Variants in CELF4 observed in about 807,000 individuals in gnomAD.
CELF4 encodes the protein CUG-BP- and ETR-3-like factor 4.
Under a neutral mutation model 59.9 loss-of-function variants are expected in CELF4, and 18 were observed. The observed-to-expected ratio is 0.30, with a 90% CI of 0.21 to 0.45. The LOEUF (loss-of-function observed/expected upper bound fraction) is 0.45, where lower values mean the gene tolerates loss of function less well. Among genes scored for constraint, CELF4 ranks in the 20% least tolerant of loss-of-function variants. The probability of loss-of-function intolerance (pLI) is 1.00; values close to 1 mark genes in which losing one functional copy is unlikely to be tolerated. For missense variants in CELF4, 456 were observed against 689.0 expected, an observed-to-expected ratio of 0.66 and a Z score of 3.79; for synonymous variants, 261 against 267.1, an observed-to-expected ratio of 0.98 and a Z score of 0.22.
Position 37,253,797 on chromosome 18 carries a change from G to A in CELF4, c.*14C>T. The A allele has an allele frequency of 1.9e-6, 3 of 1,590,154 alleles. No individual in the cohort carries two copies. Among genetic ancestry groups the A allele is most frequent in the East Asian group, 2.3e-5 (1 of 42,958 alleles). On this transcript the variant is annotated 3_prime_UTR_variant, in exon 12 of 13. Coordinates refer to ENST00000420428, the MANE Select transcript of CELF4 (RefSeq NM_020180.4). This position sits in a 1 kb window ranked among gnomAD's most constrained non-coding sequence, Gnocchi z 4.5. ...CGAGTCCTGGTCTCCCCCGGGGGAC[G>A]CTCCCGCCGGCGCTCAGTACGGGCG...
At chr18:37,310,318 CT>C (rs771303537) in intron 3 of CELF4, among the ~76,000 whole-genome samples, 31 of 152,318 alleles carry the variant, frequency 2.0e-4, no homozygotes, top group Non-Finnish European at 3.2e-4. Flanking sequence ...CTCCCTCCCT[CT>C]ATCCAGTTCA....
At chr18:37,540,367 G>GT (rs1408037164) in intron 1 of CELF4, among the ~76,000 whole-genome samples, 129 of 152,274 alleles carry the variant, frequency 8.5e-4, no homozygotes, top group African/African-American at 1.6e-3. Flanking sequence ...TGCTTTTATT[G>GT]TTTTTTTACT....
chr18:37,275,363 C>A, intron 3 of CELF4, 120 bp from the exon 4 acceptor site: 1 of 261,680 alleles, frequency 3.8e-6, no homozygotes, highest in South Asian at 1.4e-4. Flanking sequence ...GGCGGGGGCT[C>A]GGAGCCGGCG....
intron 11 of CELF4, among the ~76,000 whole-genome samples, chr18:37,256,432 G>A (rs2154288938): frequency 1.3e-5 from 2 of 152,290 alleles, no homozygotes; most frequent in East Asian, 3.9e-4. Context: ...CACTTCCTGA[G>A]GGTCTGCCCT....
intron 2 of CELF4, among the ~76,000 whole-genome samples, chr18:37,373,342 G>A (rs1569567995): frequency 6.6e-6 from 1 of 152,168 alleles, no homozygotes; most frequent in Non-Finnish European, 1.5e-5. Flanking sequence ...TTCAGATGTG[G>A]AGGGGACGAC....
intron 1 of CELF4, among the ~76,000 whole-genome samples, chr18:37,518,741 G>A (rs1183302997): frequency 6.6e-6 from 1 of 152,202 alleles, no homozygotes; most frequent in Middle Eastern, 3.2e-3. Context: ...CCCACACTGG[G>A]CAGTCTGCTA....
intron 2 of CELF4, among the ~76,000 whole-genome samples, chr18:37,322,317 A>G (rs540590565): frequency 6.6e-6 from 1 of 152,194 alleles, no homozygotes; most frequent in Non-Finnish European, 1.5e-5. Context: ...GATGGACCCC[A>G]CCCAGGCCAG....
At chr18:37,485,245 G>T (rs1305660903) in intron 2 of CELF4, among the ~76,000 whole-genome samples, 2 of 151,828 alleles carry the variant, frequency 1.3e-5, no homozygotes, top group Non-Finnish European at 2.9e-5. Context: ...CCCGGCGGAG[G>T]CAGCTCCCGC....
At chr18:37,290,714 C>G (rs2095278702) in intron 3 of CELF4, among the ~76,000 whole-genome samples, 1 of 152,096 alleles carries the variant, frequency 6.6e-6, no homozygotes. Context: ...AGTTTCTGCC[C>G]TCCTCTGGGC....
rs1178818268 is a variant in CELF4 at position 37,410,512 on chromosome 18, G to A, written c.369+75013C>T. 4.6e-5 allele frequency among the ~76,000 whole-genome samples: 7 copies of A among 152,356 alleles called. No homozygotes were observed. In the South Asian group the frequency reaches 1.5e-3, roughly 32 times the overall value. On this transcript the variant is annotated intron_variant, in intron 2 of 12. Coordinates refer to ENST00000420428, the MANE Select transcript of CELF4 (RefSeq NM_020180.4). ...ACCCGACGATAGGGCTTGACATCAT[G>A]CCTGTGTGTTCGTGTGTGCGTGTGG...
At chr18:37,296,850 C>T (rs1488482855) in intron 3 of CELF4, among the ~76,000 whole-genome samples, 1 of 152,168 alleles carries the variant, frequency 6.6e-6, no homozygotes, top group African/African-American at 2.4e-5. Flanking sequence ...AGTTCTGGGG[C>T]TGGTAAGTTA....
intron 8 of CELF4, among the ~76,000 whole-genome samples, chr18:37,268,931 T>C (rs759413534): frequency 6.6e-6 from 1 of 152,152 alleles, no homozygotes; most frequent in Non-Finnish European, 1.5e-5. Flanking sequence ...GAATTGTTTA[T>C]GAGATGTGGC....
intron 2 of CELF4, among the ~76,000 whole-genome samples, chr18:37,424,132 T>C (rs1278184440): frequency 1.3e-5 from 2 of 152,202 alleles, no homozygotes; most frequent in African/African-American, 4.8e-5. Context: ...TGCACGAACC[T>C]AATAGCTCCC....
At chr18:37,301,143 G>A (rs1488785413) in intron 3 of CELF4, among the ~76,000 whole-genome samples, 1 of 152,198 alleles carries the variant, frequency 6.6e-6, no homozygotes, top group Non-Finnish European at 1.5e-5. Flanking sequence ...GGCAGGGATG[G>A]AGGAGAGTTC....
At chr18:37,515,710 C>T (rs2099949929) in intron 1 of CELF4, among the ~76,000 whole-genome samples, 1 of 152,118 alleles carries the variant, frequency 6.6e-6, no homozygotes, top group Non-Finnish European at 1.5e-5. Context: ...TGCCCTCCAG[C>T]TGGGGCATGG....
At chr18:37,394,093 C>T (rs1039718807) in intron 2 of CELF4, among the ~76,000 whole-genome samples, 3 of 152,092 alleles carry the variant, frequency 2.0e-5, no homozygotes, top group Non-Finnish European at 2.9e-5. Context: ...CCGAGACCCG[C>T]GGGAGGGGCC....
chr18:37,441,273 C>CTGTGTGTGTGTGTGTG (rs36008798), intron 2 of CELF4, among the ~76,000 whole-genome samples: 59 of 143,424 alleles, frequency 4.1e-4, no homozygotes, highest in African/African-American at 1.5e-3. Context: ...CTCAACAATG[C>CTGTGTGTGTGTGTGTG]TGTGTGTGTG....
chr18:37,454,944 T>A (rs1293446357), intron 2 of CELF4, among the ~76,000 whole-genome samples: 1 of 152,076 alleles, frequency 6.6e-6, no homozygotes, highest in Non-Finnish European at 1.5e-5. Flanking sequence ...AGGACATGGG[T>A]CCCTATCCCT....
chr18:37,295,363 C>G (rs2095580265), intron 3 of CELF4, among the ~76,000 whole-genome samples: 1 of 152,202 alleles, frequency 6.6e-6, no homozygotes, highest in Admixed American at 6.5e-5. Context: ...GTGTGGCTAA[C>G]AAGCTGAAAG....
Sources: gnomAD v4.1 joint callset for allele counts (sites outside exome capture counted in the v4.1 genomes callset) on GRCh38, gnomAD v4.1.1 for gene constraint, Gnocchi (gnomAD v3.1) non-coding constraint, MANE v1.5 for transcripts, NCBI Gene and HGNC (gene_info 2026-07-23, HGNC 2026-07-21) for gene names.